ARHGAP39: variants seen among roughly 807,000 people sequenced by gnomAD.
ARHGAP39 encodes the protein rho GTPase-activating protein 39.
Under a neutral mutation model 106.9 loss-of-function variants are expected in ARHGAP39, and 44 were observed. The observed-to-expected ratio is 0.41, with a 90% CI of 0.32 to 0.53. The LOEUF (loss-of-function observed/expected upper bound fraction) is 0.53. Ranked by LOEUF, ARHGAP39 falls within the 20% of genes least tolerant of loss-of-function variation. The pLI is 0.21. For synonymous variants in ARHGAP39, 768 were observed against 693.2 expected, an observed-to-expected ratio of 1.11 and a Z score of -1.69; for missense variants, 1,496 against 1,577.3, an observed-to-expected ratio of 0.95 and a Z score of 0.87.
At chr8:144,572,116 G>GA (rs1301958139) in intron 3 of ARHGAP39, among the ~76,000 whole-genome samples, 1 of 152,144 alleles carries the variant, frequency 6.6e-6, no homozygotes, top group African/African-American at 2.4e-5. Flanking sequence ...CACAGAATTG[G>GA]AAAAAATTAC....
Position 144,547,184 on chromosome 8 carries a change from C to G in ARHGAP39, c.1902G>C (p.Lys634Asn). ...CCAGGTTGGTCTGCACGGAGACGCT[C>G]TTCTCCAGCAGGATCTGGGGGAAGC... ...KLGFPQILLE[K>N]SVSVQTNLAS... Residue 634 changes from lysine to asparagine, a missense_variant, in exon 5 of 12, where the codon AAG (lysine) becomes AAC (asparagine). By Grantham distance (94) the Lys-to-Asn change is moderately conservative. This residue lies in a region of ARHGAP39 where 905 missense variants were observed against 816.4 expected (regional missense o/e 1.11). Transcript: ENST00000377307. The surrounding 1 kb of genome is among the most constrained non-coding windows in gnomAD (Gnocchi z 5.2). 5 of 1,612,110 alleles carry G rather than the reference C, an allele frequency of 3.1e-6. No individual in the cohort carries two copies. The highest frequency in any genetic ancestry group is 4.2e-6 in the Non-Finnish European group (5 of 1,179,606).
In ARHGAP39 at chr8:144,545,848, G is replaced by A. The variant is rs1259010802; in HGVS notation, c.1960-38C>T. The A allele has an allele frequency of 6.2e-6, 9 of 1,442,896 alleles. No individual in the cohort carries two copies. The Admixed American group carries it at 1.4e-4, about 23-fold the overall frequency. 89.4% of individuals were successfully genotyped at this position (1,442,896 alleles called of 1,614,324 possible). The stretch of plus-strand genomic sequence containing the variant: ...AATGCGGCTGGGCTGTTGGGGGTGG[G>A]GGAGGGCCAGGCAGGTGGGCCCACT... On this transcript the variant is annotated intron_variant, in intron 5 of 11. Transcript: ENST00000377307.
chr8:144,648,753 T>C (rs1477011613), intron 1 of ARHGAP39, among the ~76,000 whole-genome samples: 1 of 152,140 alleles, frequency 6.6e-6, no homozygotes, highest in Non-Finnish European at 1.5e-5. Context: ...CTGAATGACT[T>C]TGGGGCAAAT....
rs187623553 is a variant in ARHGAP39, at chr8:144,614,358, T to C, written c.-81-8663A>G. ...ATTTTTTGTGTTCCTGTTACTATTT[T>C]TTTTTTTTTTTTGAGACGGAGTCTC... On this transcript the variant is annotated intron_variant, in intron 1 of 11. Transcript: ENST00000377307. Among the ~76,000 whole-genome samples the C allele has an allele frequency of 4.8e-3, 731 of 151,914 alleles. 7 individuals are homozygous for C. Among genetic ancestry groups the C allele is most frequent in the African/African-American group, 0.013 (537 of 41,444 alleles).
At chr8:144,685,296 G>C (rs1200588027) in intron 1 of ARHGAP39, among the ~76,000 whole-genome samples, 1 of 151,572 alleles carries the variant, frequency 6.6e-6, no homozygotes, top group Non-Finnish European at 1.5e-5. Flanking sequence ...ACCCACATTG[G>C]GGCCGGGCAC....
In ARHGAP39 at chr8:144,591,807, C is replaced by T. The variant is rs546529308; in HGVS notation, c.81-10530G>A. On this transcript the variant is annotated intron_variant, in intron 2 of 11. Coordinates refer to ENST00000377307, the MANE Select transcript of ARHGAP39 (RefSeq NM_025251.3). The surrounding 1 kb of genome is among the most constrained non-coding windows in gnomAD (Gnocchi z 5.3). ...TGCCCTCGGCAACAGCACAGCCTCC[C>T]TGCCTGGAAGGAACAGGCCCCGTGT... Among the ~76,000 whole-genome samples the T allele has an allele frequency of 6.6e-6, 1 of 152,332 alleles. No homozygotes were observed. Among genetic ancestry groups the T allele is most frequent in the South Asian group, 2.1e-4 (1 of 4,830 alleles).
Position 144,607,179 on chromosome 8 carries a change from G to A in ARHGAP39, c.-81-1484C>T, listed in dbSNP as rs1820323909. The stretch of plus-strand genomic sequence containing the variant: ...TGGTCCCAGCTACACGTGAGGAAGA[G>A]GAGGGAGGATCCCGCCACTGCGCTC... On this transcript the variant is annotated intron_variant, in intron 1 of 11. Coordinates refer to ENST00000377307, the MANE Select transcript of ARHGAP39 (RefSeq NM_025251.3). Among the ~76,000 whole-genome samples the A allele has an allele frequency of 1.3e-5, 2 of 150,450 alleles. 1 individual carries two copies. Among genetic ancestry groups the A allele is most frequent in the Non-Finnish European group, 3.0e-5 (2 of 67,748 alleles).
At chr8:144,610,412 T>C (rs549430451) in intron 1 of ARHGAP39, among the ~76,000 whole-genome samples, 9 of 152,218 alleles carry the variant, frequency 5.9e-5, no homozygotes, top group African/African-American at 1.9e-4. Flanking sequence ...GATTTGTACA[T>C]TTAAAAAAAA....
intron 2 of ARHGAP39, among the ~76,000 whole-genome samples, chr8:144,587,919 A>T (rs962326885): frequency 6.6e-6 from 1 of 152,196 alleles, no homozygotes; most frequent in African/African-American, 2.4e-5. Flanking sequence ...TTGGGATTAC[A>T]GGCGTGAGCC....
Position 144,646,971 on chromosome 8 carries a change from T to TC in ARHGAP39, c.-82+38714_-82+38715insG, listed in dbSNP as rs1467496083. Among the ~76,000 whole-genome samples the TC allele has an allele frequency of 8.5e-4, 128 of 149,888 alleles. No homozygotes were observed. The highest frequency in any genetic ancestry group is 3.0e-3 in the African/African-American group (122 of 40,772). On this transcript the variant is annotated intron_variant, in intron 1 of 11. Transcript: ENST00000377307. This position sits in a 1 kb window ranked among gnomAD's most constrained non-coding sequence, Gnocchi z 5.7. The stretch of plus-strand genomic sequence containing the variant: ...CATCTGCTCTGCTCTGACCATTTTT[T>TC]TTTTTTTTTTTTTTTTGAGACAGAG...
intron 1 of ARHGAP39, among the ~76,000 whole-genome samples, chr8:144,677,136 A>G (rs1822263377): frequency 6.6e-6 from 1 of 152,254 alleles, no homozygotes; most frequent in Non-Finnish European, 1.5e-5. Flanking sequence ...TTGCCAAATA[A>G]TATTCCATTG....
rs1408853171 is a variant in ARHGAP39 at position 144,672,881 on chromosome 8, CT to C, written c.-82+12804del. Among the ~76,000 whole-genome samples, 6 of 152,294 alleles carry C rather than the reference CT, an allele frequency of 3.9e-5. No individual in the cohort carries two copies. The East Asian group carries it at 1.2e-3, about 29-fold the overall frequency. ...TAAGTCAATGTTTAACTCAAGTCTT[CT>C]GCACGGAGACCAGTGTAGCATCGCT... On this transcript the variant is annotated intron_variant, in intron 1 of 11. Transcript: ENST00000377307.
chr8:144,659,149 G>A (rs1798265994), intron 1 of ARHGAP39, among the ~76,000 whole-genome samples: 1 of 152,114 alleles, frequency 6.6e-6, no homozygotes, highest in Admixed American at 6.5e-5. Context: ...CCACTTCCCA[G>A]GGAACTCGAC....
chr8:144,623,217 C>T (rs1305673641), intron 1 of ARHGAP39, among the ~76,000 whole-genome samples: 2 of 152,092 alleles, frequency 1.3e-5, no homozygotes, highest in Non-Finnish European at 2.9e-5. Flanking sequence ...GAGCAAATTC[C>T]AACCCAGTAG....
intron 4 of ARHGAP39, among the ~76,000 whole-genome samples, chr8:144,551,479 G>A (rs557443078): frequency 1.9e-4 from 29 of 152,272 alleles, no homozygotes; most frequent in Non-Finnish European, 3.1e-4. Flanking sequence ...CTGGGCACCC[G>A]AGTCACAGAT....
At chr8:144,566,575 G>T (rs1325351594) in intron 3 of ARHGAP39, among the ~76,000 whole-genome samples, 1 of 152,160 alleles carries the variant, frequency 6.6e-6, no homozygotes. Flanking sequence ...AATGAAATTG[G>T]CTGGGTATGG....
In ARHGAP39 at chr8:144,545,440, A is replaced by T; in HGVS notation, c.2330T>A (p.Val777Glu). The change falls in exon 6 of 12, where the codon GTG becomes GAG. Residue 777 changes from valine (V) to glutamate (E), a missense_variant. This residue lies in a region of ARHGAP39 where 470 missense variants were observed against 605.1 expected (regional missense o/e 0.78). Transcript: ENST00000377307. The part of the protein sequence containing the change: ...ALEVATKGWS[V>E]QGLRDELYIQ... Reference sequence around the variant, plus strand: ...GTAGAGCTCGTCCCGCAGGCCCTGCACGCTCCAGCCCTTGGTGGCCACCTC... The same window carrying T: ...GTAGAGCTCGTCCCGCAGGCCCTGCTCGCTCCAGCCCTTGGTGGCCACCTC... 6.3e-7 allele frequency: 1 copy of T among 1,591,992 alleles called. No homozygotes were observed. Among genetic ancestry groups the T allele is most frequent in the East Asian group, 2.3e-5 (1 of 44,336 alleles).
At position 144,605,384 on chromosome 8, in the gene ARHGAP39, G is replaced by A. The variant is rs906539088; in HGVS notation, c.80+151C>T. The A allele has an allele frequency of 1.4e-5, 11 of 766,320 alleles. No homozygotes were observed. In the Admixed American group the frequency reaches 2.4e-4, roughly 17 times the overall value. 47.5% of individuals were successfully genotyped at this position (766,320 alleles called of 1,614,324 possible). A position where few individuals can be genotyped will look rare whatever the true frequency, so the allele number is the denominator to read the frequency against. ...GCCCTGAGGGCTGCACTGTGCACAG[G>A]TGGCATCGGCCATCCAGGCCTTGGG... On this transcript the variant is annotated intron_variant, in intron 2 of 11. Transcript: ENST00000377307.
intron 1 of ARHGAP39, among the ~76,000 whole-genome samples, chr8:144,629,302 C>A (rs1821003574): frequency 6.6e-6 from 1 of 152,248 alleles, no homozygotes; most frequent in South Asian, 2.1e-4. Context: ...ACCTCAAGAG[C>A]AGACCCGCAG....
Sources: gnomAD v4.1 joint callset for allele counts (sites outside exome capture counted in the v4.1 genomes callset) on GRCh38, gnomAD v4.1.1 for gene constraint, gnomAD v4.1.1 regional missense constraint, Gnocchi (gnomAD v3.1) non-coding constraint, MANE v1.5 for transcripts, NCBI Gene and HGNC (gene_info 2026-07-23, HGNC 2026-07-21) for gene names.